NEBL: variants seen among roughly 807,000 people sequenced by gnomAD.
NEBL encodes LIM and SH3 protein 2.
In NEBL, 122 loss-of-function variants were observed where a neutral mutation model predicts 140.2. The observed-to-expected ratio is 0.87, with a 90% CI of 0.75 to 1.01. The LOEUF (loss-of-function observed/expected upper bound fraction) is 1.01, where lower values mean the gene tolerates loss of function less well. NEBL is among the 50% of genes least tolerant of loss of function. The pLI, the probability that NEBL is intolerant of heterozygous loss-of-function variation, is 0.00. For synonymous variants in NEBL, 436 were observed against 398.9 expected (o/e 1.09, Z -1.11); for missense variants, 1,365 against 1,231.3 (o/e 1.11, Z -1.62).
intron 2 of NEBL, among the ~76,000 whole-genome samples, chr10:21,072,222 C>T (rs75532653): frequency 0.015 from 2,276 of 152,228 alleles, 24 homozygotes; most frequent in Non-Finnish European, 0.023. Flanking sequence ...AGACAGGTCA[C>T]TTCAATCCCT....
intron 3 of NEBL, among the ~76,000 whole-genome samples, chr10:21,212,847 CATTCAGTCAGTTAACTCG>C (rs1390322782): frequency 6.6e-6 from 1 of 152,178 alleles, no homozygotes; most frequent in Non-Finnish European, 1.5e-5. Context: ...TACTTCAAAA[CATTCAGTCAGTTAACTCG>C]ATTCAGTCAA....
intron 2 of NEBL, among the ~76,000 whole-genome samples, chr10:21,020,831 C>T (rs1486545333): frequency 6.6e-6 from 1 of 152,194 alleles, no homozygotes; most frequent in East Asian, 1.9e-4. Flanking sequence ...TCTCCCCACT[C>T]AAGGTCCTCA....
intron 18 of NEBL, among the ~76,000 whole-genome samples, chr10:20,826,000 T>C (rs945236720): frequency 2.0e-5 from 3 of 152,184 alleles, no homozygotes; most frequent in African/African-American, 7.2e-5. Context: ...TGACATCGGT[T>C]AAAAATGAAC....
At chr10:20,921,810 T>C (rs1287066845) in intron 4 of NEBL, among the ~76,000 whole-genome samples, 1 of 151,828 alleles carries the variant, frequency 6.6e-6, no homozygotes, top group African/African-American at 2.4e-5. Context: ...TATACACACA[T>C]GCACACCCCC....
chr10:21,172,952 C>T (rs1841146366), intron 1 of NEBL, among the ~76,000 whole-genome samples: 1 of 152,208 alleles, frequency 6.6e-6, no homozygotes, highest in Non-Finnish European at 1.5e-5. Flanking sequence ...CCAGCTTCCA[C>T]TAAAATGCTG....
At chr10:20,833,835 G>C (rs1348357891) in intron 14 of NEBL, among the ~76,000 whole-genome samples, 1 of 152,140 alleles carries the variant, frequency 6.6e-6, no homozygotes, top group African/African-American at 2.4e-5. Context: ...CTATGGCAAT[G>C]ATCTAGAGGA....
intron 14 of NEBL, among the ~76,000 whole-genome samples, chr10:20,833,146 C>G (rs143572248): frequency 9.9e-4 from 150 of 152,278 alleles, no homozygotes; most frequent in African/African-American, 3.5e-3. Context: ...GTCTGCATAA[C>G]AAAACACACC....
intron 2 of NEBL, among the ~76,000 whole-genome samples, chr10:21,112,583 C>A (rs1838072389): frequency 1.3e-5 from 1 of 77,828 alleles, no homozygotes; most frequent in Non-Finnish European, 2.4e-5. Flanking sequence ...ACACTGGGGC[C>A]TGTCGGGGGG....
chr10:20,817,250 C>A (rs1481872504), intron 21 of NEBL, among the ~76,000 whole-genome samples: 1 of 152,050 alleles, frequency 6.6e-6, no homozygotes, highest in South Asian at 2.1e-4. Flanking sequence ...GCCTGTAATC[C>A]CAGCTGCTTG....
At chr10:21,273,782 A>C (rs1382775702) in intron 1 of NEBL, among the ~76,000 whole-genome samples, 1 of 152,128 alleles carries the variant, frequency 6.6e-6, no homozygotes, top group Non-Finnish European at 1.5e-5. Flanking sequence ...TCTGGGACCA[A>C]AGGCTCCCAG....
At chr10:20,944,331 C>T (rs906910367) in intron 4 of NEBL, among the ~76,000 whole-genome samples, 7 of 151,978 alleles carry the variant, frequency 4.6e-5, no homozygotes, top group Non-Finnish European at 8.8e-5. Flanking sequence ...ACCTGGGAGG[C>T]GGAGGGTGCA....
chr10:21,102,334 A>G (rs1384960157), intron 2 of NEBL, among the ~76,000 whole-genome samples: 1 of 152,216 alleles, frequency 6.6e-6, no homozygotes, highest in African/African-American at 2.4e-5. Context: ...ATTTTGATAT[A>G]TGCATGTCCA....
In NEBL at chr10:20,906,129, T is replaced by C. The variant is rs1848081888; in HGVS notation, c.357+55543A>G. On this transcript the variant is annotated intron_variant, in intron 4 of 6. Coordinates refer to the NEBL transcript ENST00000417816. ...AGAAAAATATTTAAGGGAAATTCATTCGTATTATGTAGACCCTGAAATAAA... is the reference window on the plus strand; with the variant it reads ...AGAAAAATATTTAAGGGAAATTCATCCGTATTATGTAGACCCTGAAATAAA... Among the ~76,000 whole-genome samples the C allele has an allele frequency of 2.6e-5, 4 of 152,216 alleles. No individual in the cohort carries two copies. The South Asian group carries it at 8.3e-4, about 32-fold the overall frequency.
chr10:21,224,511 C>G (rs188534089), intron 3 of NEBL, among the ~76,000 whole-genome samples: 1 of 152,166 alleles, frequency 6.6e-6, no homozygotes, highest in Non-Finnish European at 1.5e-5. Flanking sequence ...TTTTGTGATT[C>G]CATACATTTT....
upstream of NEBL, chr10:21,174,270 G>A (rs769515010): frequency 1.3e-5 from 2 of 156,348 alleles, no homozygotes; most frequent in African/African-American, 4.8e-5. Flanking sequence ...AGCGGGGGAG[G>A]GGGCGGGCAG....
At position 21,087,527 on chromosome 10, in the gene NEBL, GA is replaced by G. The variant is rs982573961; in HGVS notation, c.165-67327del. ...GTTTTTAGTAAAACTGCCTCTAACAGAATTCACAATCCACCTCTCCTAATTG... is the reference window on the plus strand; with the variant it reads ...GTTTTTAGTAAAACTGCCTCTAACAGATTCACAATCCACCTCTCCTAATTG... On this transcript the variant is annotated intron_variant, in intron 2 of 6. Transcript: ENST00000417816. Among the ~76,000 whole-genome samples, 12 of 152,226 alleles carry G rather than the reference GA, an allele frequency of 7.9e-5. 1 individual carries two copies. The highest frequency in any genetic ancestry group is 5.2e-4 in the Admixed American group (8 of 15,290).
chr10:20,980,317 T>A (rs1052672388), intron 3 of NEBL, among the ~76,000 whole-genome samples: 13 of 108,982 alleles, frequency 1.2e-4, no homozygotes, highest in African/African-American at 7.4e-4. Context: ...CATAAAAAAG[T>A]TTTTTTTGTT....
chr10:20,971,715 G>A (rs1371535614), intron 3 of NEBL, among the ~76,000 whole-genome samples: 2 of 149,906 alleles, frequency 1.3e-5, no homozygotes, highest in African/African-American at 2.5e-5. Flanking sequence ...CCGGCTTCAC[G>A]CCATTCTCCT....
At chr10:20,932,731 T>C (rs2131539829) in intron 4 of NEBL, among the ~76,000 whole-genome samples, 1 of 152,342 alleles carries the variant, frequency 6.6e-6, no homozygotes, top group Non-Finnish European at 1.5e-5. Flanking sequence ...ATAAAACCAT[T>C]TTATTTGTCG....
Sources: gnomAD v4.1 joint callset for allele counts (sites outside exome capture counted in the v4.1 genomes callset) on GRCh38, gnomAD v4.1.1 for gene constraint, MANE v1.5 for transcripts, NCBI Gene and HGNC (gene_info 2026-07-23, HGNC 2026-07-21) for gene names.